The following TMEM229B variants were observed in gnomAD, a reference collection of about 807,000 sequenced individuals.
The protein encoded by TMEM229B is chromosome 14 open reading frame 83.
TMEM229B carries 6 observed loss-of-function variants against 13.7 expected under a neutral mutation model. The ratio of observed to expected loss-of-function variants is 0.44; its 90% CI spans 0.24 to 0.86. The LOEUF (loss-of-function observed/expected upper bound fraction) is 0.86. Among genes scored for constraint, TMEM229B ranks in the 40% least tolerant of loss-of-function variants. The probability of loss-of-function intolerance (pLI) is 0.23; values close to 1 mark genes in which losing one functional copy is unlikely to be tolerated. For synonymous variants in TMEM229B, 107 were observed against 102.1 expected (o/e 1.05, Z -0.29); for missense variants, 170 against 236.0 (o/e 0.72, Z 1.83).
chr14:67,482,466 G>T (rs891825198), intron 2 of TMEM229B, among the ~76,000 whole-genome samples: 1 of 152,102 alleles, frequency 6.6e-6, no homozygotes, highest in Non-Finnish European at 1.5e-5. Context: ...CCATGCAACC[G>T]GGCTGGGAAG....
At chr14:67,480,158 A>G (rs1265313597) in intron 2 of TMEM229B, among the ~76,000 whole-genome samples, 1 of 152,170 alleles carries the variant, frequency 6.6e-6, no homozygotes, top group Admixed American at 6.5e-5. Context: ...TCTGGCACAG[A>G]GCCAGACCTC....
chr14:67,478,963 G>A (rs750131415), intron 2 of TMEM229B, among the ~76,000 whole-genome samples: 14 of 152,154 alleles, frequency 9.2e-5, no homozygotes, highest in Non-Finnish European at 1.9e-4. Context: ...ATTCTGCAAA[G>A]GCATGCATAT....
chr14:67,476,957 C>A (rs1312235921), intron 2 of TMEM229B, among the ~76,000 whole-genome samples: 1 of 152,140 alleles, frequency 6.6e-6, no homozygotes, highest in Non-Finnish European at 1.5e-5. Flanking sequence ...GAAACCCTGT[C>A]TCTACTAAAA....
intron 1 of TMEM229B, among the ~76,000 whole-genome samples, chr14:67,525,905 C>A (rs566211520): frequency 6.6e-6 from 1 of 152,332 alleles, no homozygotes; most frequent in East Asian, 1.9e-4. Context: ...CAGAAGCCAT[C>A]TGAGAGTTTC....
intron 1 of TMEM229B, among the ~76,000 whole-genome samples, chr14:67,500,716 C>T (rs886440341): frequency 9.3e-5 from 14 of 151,290 alleles, no homozygotes; most frequent in African/African-American, 2.9e-4. Context: ...AGACTACAGG[C>T]GCCCGCCACC....
At chr14:67,532,825 T>G (rs1449279997) in intron 1 of TMEM229B, among the ~76,000 whole-genome samples, 26 of 152,206 alleles carry the variant, frequency 1.7e-4, no homozygotes, top group Admixed American at 1.7e-3. Flanking sequence ...TTCCCACAGG[T>G]GGCCAGGAGA....
chr14:67,479,695 G>C (rs564230973), intron 2 of TMEM229B, among the ~76,000 whole-genome samples: 66 of 152,164 alleles, frequency 4.3e-4, no homozygotes, highest in Non-Finnish European at 7.9e-4. Context: ...TCTAGCCTAG[G>C]TGACAGAGTG....
At chr14:67,528,609 T>C (rs549638384) in intron 1 of TMEM229B, among the ~76,000 whole-genome samples, 6 of 152,182 alleles carry the variant, frequency 3.9e-5, no homozygotes, top group Non-Finnish European at 7.4e-5. Flanking sequence ...CTGATCCTCA[T>C]TCCCTGAGCT....
intron 2 of TMEM229B, among the ~76,000 whole-genome samples, chr14:67,484,777 A>G (rs1173494744): frequency 1.3e-5 from 2 of 152,172 alleles, no homozygotes; most frequent in Non-Finnish European, 2.9e-5. Flanking sequence ...AAAAAAAAGA[A>G]AAAGCACTCA....
chr14:67,525,371 A>T (rs2033350552), intron 1 of TMEM229B, among the ~76,000 whole-genome samples: 2 of 152,326 alleles, frequency 1.3e-5, no homozygotes, highest in South Asian at 4.1e-4. Context: ...ATACATTTTG[A>T]TGGCTGCATA....
chr14:67,520,447 T>C (rs1399508346), intron 1 of TMEM229B, among the ~76,000 whole-genome samples: 1 of 152,256 alleles, frequency 6.6e-6, no homozygotes, highest in Non-Finnish European at 1.5e-5. Context: ...TAAAGCCTTT[T>C]CAAACTAACT....
At chr14:67,493,880 C>A (rs944829310) in intron 1 of TMEM229B, among the ~76,000 whole-genome samples, 1 of 151,540 alleles carries the variant, frequency 6.6e-6, no homozygotes, top group Non-Finnish European at 1.5e-5. Flanking sequence ...ATGTAATAAA[C>A]TTATTTATTT....
upstream of TMEM229B, among the ~76,000 whole-genome samples, chr14:67,516,671 C>T (rs2033207392): frequency 6.6e-6 from 1 of 152,222 alleles, no homozygotes. Flanking sequence ...AACCTCCTGT[C>T]CCTGGCCAGA....
intron 2 of TMEM229B, among the ~76,000 whole-genome samples, chr14:67,485,139 CAGA>C (rs2031799511): frequency 6.6e-6 from 1 of 152,120 alleles, no homozygotes; most frequent in Non-Finnish European, 1.5e-5. Flanking sequence ...TGGATAATTC[CAGA>C]AGGAGAATCA....
rs369927447 is a variant in TMEM229B at position 67,473,524 on chromosome 14, A to C, written c.400T>G (p.Phe134Val). The part of the protein sequence containing the change: ...WFCGALIMEQ[F>V]IIRNTLRLRF... ...AGGCGGAGGGTGTTGCGGATGATGA[A>C]CTGCTCCATGATGAGGGCCCCGCAG... The change falls in exon 3 of 3, where the codon TTC (phenylalanine) becomes GTC (valine). Residue 134 changes from phenylalanine (F) to valine (V), a missense_variant. Phe to Val is a conservative substitution (Grantham distance 50, BLOSUM62 -1). This residue lies in a region of TMEM229B where 70 missense variants were observed against 60.9 expected (regional missense o/e 1.15). Coordinates refer to ENST00000554480, the MANE Select transcript of TMEM229B (RefSeq NM_001348543.2). The surrounding 1 kb of genome is among the most constrained non-coding windows in gnomAD (Gnocchi z 6.5). 29 of 1,614,002 alleles carry C rather than the reference A, an allele frequency of 1.8e-5. No individual in the cohort carries two copies. Among genetic ancestry groups the C allele is most frequent in the Middle Eastern group, 1.6e-4 (1 of 6,084 alleles).
chr14:67,523,599 G>A (rs1454497054), intron 1 of TMEM229B, among the ~76,000 whole-genome samples: 2 of 152,204 alleles, frequency 1.3e-5, no homozygotes, highest in South Asian at 2.1e-4. Context: ...GAAGATGTGC[G>A]ATTATTTGTG....
At chr14:67,492,312 C>T (rs2032201733), upstream of TMEM229B, among the ~76,000 whole-genome samples, 1 of 152,240 alleles carries the variant, frequency 6.6e-6, no homozygotes, top group Non-Finnish European at 1.5e-5. Context: ...CAGAGTGAGG[C>T]ATGTGTTACT....
At chr14:67,501,402 T>C (rs1484219096) in intron 1 of TMEM229B, among the ~76,000 whole-genome samples, 1 of 152,198 alleles carries the variant, frequency 6.6e-6, no homozygotes, top group Non-Finnish European at 1.5e-5. Context: ...TCTTGCTCTG[T>C]TGGCCAGGCT....
rs1428814121 is a variant in TMEM229B, at chr14:67,470,314, G to C, written c.*3106C>G. 6.6e-6 allele frequency: 1 copy of C among 152,288 alleles called. No homozygotes were observed. The highest frequency in any genetic ancestry group is 1.5e-5 in the Non-Finnish European group (1 of 68,072). The allele number at this position is 152,288 out of a possible 1,614,324, so 9.4% of individuals were successfully genotyped here. ...ATTTTATGTGCACAAATGTGAAAAG[G>C]AAGAGACAGAGGGACCAACGGAGAC... On this transcript the variant is annotated 3_prime_UTR_variant, in exon 3 of 3. Coordinates refer to ENST00000554480, the MANE Select transcript of TMEM229B (RefSeq NM_001348543.2).
Sources: allele counts gnomAD v4.1 joint callset (sites outside exome capture counted in the v4.1 genomes callset), GRCh38; gene constraint gnomAD v4.1.1; regional missense constraint gnomAD v4.1.1; non-coding constraint Gnocchi (gnomAD v3.1); transcripts MANE v1.5; gene names NCBI Gene and HGNC (gene_info 2026-07-23, HGNC 2026-07-21).